Variants in PTPRT observed in about 807,000 individuals in gnomAD.
PTPRT encodes receptor-type tyrosine-protein phosphatase T.
In PTPRT, 56 loss-of-function variants were observed where a neutral mutation model predicts 176.8. The ratio of observed to expected loss-of-function variants is 0.32; its 90% CI spans 0.26 to 0.40. The LOEUF (loss-of-function observed/expected upper bound fraction) is 0.40. Among genes scored for constraint, PTPRT ranks in the 10% least tolerant of loss-of-function variants. The pLI is 1.00. For synonymous variants in PTPRT, 783 were observed against 739.0 expected (o/e 1.06, Z -0.96); for missense variants, 1,540 against 1,908.2 (o/e 0.81, Z 3.60).
intron 1 of PTPRT, among the ~76,000 whole-genome samples, chr20:43,104,052 C>G (rs1204798187): frequency 6.6e-6 from 1 of 152,180 alleles, no homozygotes; most frequent in Non-Finnish European, 1.5e-5. Flanking sequence ...CAGAAGTTAT[C>G]TTAATCTCCA....
intron 16 of PTPRT, among the ~76,000 whole-genome samples, chr20:42,177,222 G>A (rs1354466937): frequency 1.3e-5 from 2 of 152,176 alleles, no homozygotes; most frequent in Non-Finnish European, 2.9e-5. Context: ...AAGCTCTCAG[G>A]TGATGCTGAT....
At chr20:42,104,170 TAAG>T (rs1398223026) in intron 25 of PTPRT, among the ~76,000 whole-genome samples, 6 of 152,122 alleles carry the variant, frequency 3.9e-5, no homozygotes, top group Admixed American at 3.9e-4. Context: ...AGTGCTCTTA[TAAG>T]AAGAAACATG....
intron 7 of PTPRT, among the ~76,000 whole-genome samples, chr20:42,521,114 G>GACCT (rs746845400): frequency 6.7e-6 from 1 of 149,278 alleles, no homozygotes; most frequent in Admixed American, 6.6e-5. Context: ...CCTACCTAGT[G>GACCT]ACCTACCTAC....
rs762809890 is a variant in PTPRT, at chr20:42,118,444, C to T, written c.2941G>A (p.Ala981Thr). The change falls in exon 21 of 31, where the codon GCC (alanine) becomes ACC (threonine). Residue 981 changes from alanine (A) to threonine (T), a missense_variant. Coordinates refer to ENST00000373187, the MANE Select transcript of PTPRT (RefSeq NM_007050.6). Reference protein sequence around the residue: ...FWRMIWQENSASIVMVTNLVE... With the variant: ...FWRMIWQENSTSIVMVTNLVE... ...AGGTTTGTGACCATGACGATGCTGG[C>T]GGAGTTCTCCTGCCAGATCATTCTC... 3.0e-5 allele frequency: 49 copies of T among 1,613,044 alleles called. 1 individual carries two copies. The highest frequency in any genetic ancestry group is 2.3e-4 in the South Asian group (21 of 90,910).
chr20:42,947,730 G>T (rs984335486), intron 1 of PTPRT, among the ~76,000 whole-genome samples: 2 of 151,868 alleles, frequency 1.3e-5, no homozygotes, highest in African/African-American at 2.4e-5. Context: ...CATTCACTTT[G>T]TCCACCCTCA....
chr20:42,108,922 TAAAC>T (rs145174586), intron 23 of PTPRT, among the ~76,000 whole-genome samples: 3 of 152,146 alleles, frequency 2.0e-5, no homozygotes, highest in Admixed American at 6.5e-5. Flanking sequence ...GTCCTGATGA[TAAAC>T]AAACATTTGC....
chr20:42,259,183 T>C (rs921716883), intron 13 of PTPRT, among the ~76,000 whole-genome samples: 8 of 152,234 alleles, frequency 5.3e-5, no homozygotes, highest in Non-Finnish European at 1.0e-4. Flanking sequence ...TAGACCTTGT[T>C]TTACACTGTA....
chr20:42,364,568 T>C (rs1355279219), intron 9 of PTPRT, among the ~76,000 whole-genome samples: 2 of 152,178 alleles, frequency 1.3e-5, no homozygotes, highest in South Asian at 2.1e-4. Context: ...ACTAACCTTT[T>C]CTCCAACCCT....
intron 1 of PTPRT, among the ~76,000 whole-genome samples, chr20:42,978,263 T>G (rs1434039542): frequency 6.6e-6 from 1 of 152,264 alleles, no homozygotes; most frequent in Non-Finnish European, 1.5e-5. Flanking sequence ...AATCAAAGTA[T>G]GTGAATGTGA....
intron 6 of PTPRT, among the ~76,000 whole-genome samples, chr20:42,721,230 G>C (rs1002185692): frequency 1.4e-4 from 21 of 152,220 alleles, no homozygotes; most frequent in African/African-American, 5.1e-4. Context: ...AAGGGTACTT[G>C]AAGTCAGACT....
Position 42,085,727 on chromosome 20 carries a change from C to G in PTPRT, c.3972+1G>C. ...GCAAGCAATGGCGGCCGTGTACTTA[C>G]CCGGGCCATGTTACAGATGCGGAAT... On this transcript the variant is annotated splice_donor_variant, in intron 28 of 30. Transcript: ENST00000373187. LOFTEE classifies it high-confidence loss of function. 6.2e-7 allele frequency: 1 copy of G among 1,613,672 alleles called. No individual in the cohort carries two copies. The highest frequency in any genetic ancestry group is 8.5e-7 in the Non-Finnish European group (1 of 1,179,998).
chr20:43,131,158 G>A (rs2013635817), intron 1 of PTPRT, among the ~76,000 whole-genome samples: 1 of 152,208 alleles, frequency 6.6e-6, no homozygotes, highest in Non-Finnish European at 1.5e-5. Flanking sequence ...GCATCCCCAG[G>A]AGGTGTTTCA....
chr20:42,487,662 A>C (rs575966366), intron 7 of PTPRT, among the ~76,000 whole-genome samples: 1 of 152,324 alleles, frequency 6.6e-6, no homozygotes, highest in Non-Finnish European at 1.5e-5. Context: ...AAGGCATAGA[A>C]GTGGCCTCTA....
chr20:42,333,676 G>T lies in PTPRT; in HGVS notation c.1865+16952C>A, dbSNP rs552998948. Among the ~76,000 whole-genome samples, 4 of 151,840 alleles carry T rather than the reference G, an allele frequency of 2.6e-5. No individual in the cohort carries two copies. In the East Asian group the frequency reaches 5.9e-4, roughly 22 times the overall value. On this transcript the variant is annotated intron_variant, in intron 11 of 30. Coordinates refer to ENST00000373187, the MANE Select transcript of PTPRT (RefSeq NM_007050.6). ...AATGAATTTAAATATTTGTTAACATGTGGCTTTAATTCCTTTTCTTGAGAT... is the reference window on the plus strand; with the variant it reads ...AATGAATTTAAATATTTGTTAACATTTGGCTTTAATTCCTTTTCTTGAGAT...
At chr20:42,500,995 T>C (rs2145415997) in intron 7 of PTPRT, among the ~76,000 whole-genome samples, 1 of 152,210 alleles carries the variant, frequency 6.6e-6, no homozygotes, top group South Asian at 2.1e-4. Flanking sequence ...TACAAGCAGG[T>C]CATAAATCAT....
chr20:42,429,732 C>A (rs1427036179), intron 9 of PTPRT, among the ~76,000 whole-genome samples: 13 of 152,208 alleles, frequency 8.5e-5, no homozygotes, highest in Non-Finnish European at 1.8e-4. Context: ...AATCCACAAT[C>A]ACAGTATGGG....
rs371395178 is a variant in PTPRT at position 42,426,076 on chromosome 20, C to T, written c.1560+22144G>A. ...GTTGTCTGTGTGTTTCATAGTGATA[C>T]GGATAGGAGTCAGGGAAATACTGGG... On this transcript the variant is annotated intron_variant, in intron 9 of 30. Coordinates refer to ENST00000373187, the MANE Select transcript of PTPRT (RefSeq NM_007050.6). Among the ~76,000 whole-genome samples, 24 of 152,168 alleles carry T rather than the reference C, an allele frequency of 1.6e-4. No individual in the cohort carries two copies. In the East Asian group the frequency reaches 2.7e-3, roughly 17 times the overall value.
At chr20:43,127,151 C>T (rs912103346) in intron 1 of PTPRT, among the ~76,000 whole-genome samples, 15 of 151,982 alleles carry the variant, frequency 9.9e-5, no homozygotes, top group South Asian at 4.2e-4. Flanking sequence ...CGGCCGGGCG[C>T]GGTGGCTCAC....
chr20:42,433,326 A>T, intron 9 of PTPRT, among the ~76,000 whole-genome samples: 1 of 152,220 alleles, frequency 6.6e-6, no homozygotes, highest in Non-Finnish European at 1.5e-5. Flanking sequence ...CCTAATTACC[A>T]TAAAGACAGA....
Sources: gnomAD v4.1 joint callset for allele counts (sites outside exome capture counted in the v4.1 genomes callset) on GRCh38, gnomAD v4.1.1 for gene constraint, MANE v1.5 for transcripts, NCBI Gene and HGNC (gene_info 2026-07-23, HGNC 2026-07-21) for gene names.